The following TRIM61 variants were observed in gnomAD, a reference collection of about 807,000 sequenced individuals.
TRIM61 encodes the protein putative tripartite motif-containing protein 61.
Under a neutral mutation model 14.2 loss-of-function variants are expected in TRIM61, and 1 was observed. That is an observed-to-expected ratio of 0.07 (90% CI 0.03 to 0.33). TRIM61 has a LOEUF of 0.33. Ranked by LOEUF, TRIM61 falls within the 10% of genes least tolerant of loss-of-function variation. The probability of loss-of-function intolerance (pLI) is 0.99; values close to 1 mark genes in which losing one functional copy is unlikely to be tolerated. For synonymous variants in TRIM61, 8 were observed against 71.6 expected, an observed-to-expected ratio of 0.11 and a Z score of 4.49; for missense variants, 19 against 202.2, an observed-to-expected ratio of 0.09 and a Z score of 5.49.
chr4:164,971,299 A>G (rs1033006393), intron 2 of TRIM61, among the ~76,000 whole-genome samples: 2 of 151,998 alleles, frequency 1.3e-5, no homozygotes, highest in South Asian at 4.2e-4. Context: ...TCAACAATTA[A>G]AAAAATGTGT....
chr4:164,961,153 C>CAAAAAAAAAAAAAAAAAAAAAAA lies in TRIM61; in HGVS notation c.526-6080_526-6058dup, dbSNP rs762554625. Among the ~76,000 whole-genome samples, 34 of 31,718 alleles carry CAAAAAAAAAAAAAAAAAAAAAAA rather than the reference C, an allele frequency of 1.1e-3. 8 individuals are homozygous for CAAAAAAAAAAAAAAAAAAAAAAA. The highest frequency in any genetic ancestry group is 1.7e-3 in the Non-Finnish European group (25 of 14,930). 20.8% of individuals were successfully genotyped at this position (31,718 alleles called of 152,430 possible). On this transcript the variant is annotated intron_variant, in intron 3 of 4. Transcript: ENST00000329314. ...ATGACAGAAAATAAGAACTCTCAGG[C>CAAAAAAAAAAAAAAAAAAAAAAA]AAAAAAAAAAAAAAAAAAAAAAAAA...
chr4:164,956,736 G>A (rs756141305), intron 3 of TRIM61, among the ~76,000 whole-genome samples: 1 of 152,072 alleles, frequency 6.6e-6, no homozygotes, highest in Non-Finnish European at 1.5e-5. Context: ...GGCAGGGAGA[G>A]CCCTCAGTCT....
intron 3 of TRIM61, among the ~76,000 whole-genome samples, chr4:164,964,377 A>G (rs74753818): frequency 1.3e-5 from 2 of 151,928 alleles, no homozygotes; most frequent in African/African-American, 2.4e-5. Context: ...GAAACTAGAG[A>G]AAAAAAGGAG....
At chr4:164,967,493 AAGGACAGT>A (rs1281793266) in intron 3 of TRIM61, among the ~76,000 whole-genome samples, 1 of 152,198 alleles carries the variant, frequency 6.6e-6, no homozygotes, top group Non-Finnish European at 1.5e-5. Context: ...AAGTGAAGTG[AAGGACAGT>A]AGCTGAACAG....
intron 3 of TRIM61, among the ~76,000 whole-genome samples, chr4:164,965,105 T>C (rs1255057387): frequency 6.6e-6 from 1 of 152,048 alleles, no homozygotes; most frequent in African/African-American, 2.4e-5. Flanking sequence ...CTGGCCAACA[T>C]GGTGAAACCC....
At chr4:164,961,215 G>GAAAAAAAAAAA in intron 3 of TRIM61, among the ~76,000 whole-genome samples, 1 of 103,372 alleles carries the variant, frequency 9.7e-6, no homozygotes, top group Non-Finnish European at 2.0e-5. Flanking sequence ...AACAATAATT[G>GAAAAAAAAAAA]ATATGTTAAA....
intron 3 of TRIM61, 145 bp downstream of exon 3, chr4:164,968,136 A>C: frequency 1.0e-6 from 1 of 984,324 alleles, no homozygotes; most frequent in South Asian, 4.7e-5. Flanking sequence ...CTGGGCAACG[A>C]AAAAAGGGGA....
chr4:164,958,229 T>C (rs10001548), intron 3 of TRIM61: 55,095 of 166,924 alleles, frequency 0.33, 9,585 homozygotes, highest in African/African-American at 0.42. Flanking sequence ...TTTTCAGCTA[T>C]AGAAATGTAA....
At chr4:164,959,633 A>T (rs1345773442) in intron 3 of TRIM61, among the ~76,000 whole-genome samples, 1 of 152,218 alleles carries the variant, frequency 6.6e-6, no homozygotes, top group Non-Finnish European at 1.5e-5. Flanking sequence ...AACATCAGAG[A>T]ACACAGGCTT....
intron 2 of TRIM61, among the ~76,000 whole-genome samples, chr4:164,975,003 C>G (rs1326456241): frequency 1.6e-4 from 24 of 152,100 alleles, no homozygotes; most frequent in Non-Finnish European, 7.3e-5. Flanking sequence ...GAGGCCAAGG[C>G]AGGCAGATTA....
chr4:164,966,172 G>T (rs1228415069), intron 3 of TRIM61, among the ~76,000 whole-genome samples: 3 of 152,180 alleles, frequency 2.0e-5, no homozygotes, highest in Admixed American at 6.5e-5. Flanking sequence ...AACTGCAGGG[G>T]ACAGTTTGGG....
chr4:164,973,452 G>T (rs553103734), intron 2 of TRIM61, among the ~76,000 whole-genome samples: 82 of 152,204 alleles, frequency 5.4e-4, no homozygotes, highest in Admixed American at 1.2e-3. Flanking sequence ...ATTTAATAAT[G>T]TATCCCAAAT....
At position 164,976,829 on chromosome 4, in the gene TRIM61, T is replaced by C. The variant is rs1369987253; in HGVS notation, c.-475-4A>G. On this transcript the variant is annotated splice_polypyrimidine_tract_variant and splice_region_variant and intron_variant, in intron 1 of 4. Coordinates refer to ENST00000329314, the MANE Select transcript of TRIM61 (RefSeq NM_001012414.3). ...GACTGTACTTTGTGAACCTATGCTT[T>C]AAGGAAAACAAAGCAAAAAGATCCA... 1 of 152,184 alleles carries C rather than the reference T, an allele frequency of 6.6e-6. No individual in the cohort carries two copies. Among genetic ancestry groups the C allele is most frequent in the Non-Finnish European group, 1.5e-5 (1 of 68,030 alleles). 9.4% of individuals were successfully genotyped at this position (152,184 alleles called of 1,614,324 possible).
At chr4:164,958,317 G>GTCTCC (rs2111131876) in intron 3 of TRIM61, 1 of 167,132 alleles carries the variant, frequency 6.0e-6, no homozygotes, top group East Asian at 1.9e-4. Context: ...GTTAGGATTT[G>GTCTCC]TTCTGGACAA....
chr4:164,965,688 C>G (rs1732224211), intron 3 of TRIM61, among the ~76,000 whole-genome samples: 1 of 152,094 alleles, frequency 6.6e-6, no homozygotes, highest in South Asian at 2.1e-4. Flanking sequence ...CTGCCTCAGC[C>G]TCCCAAAGTG....
At chr4:164,964,926 C>T (rs768722323) in intron 3 of TRIM61, among the ~76,000 whole-genome samples, 9 of 152,182 alleles carry the variant, frequency 5.9e-5, no homozygotes, top group Non-Finnish European at 1.0e-4. Flanking sequence ...ATTTCACCAA[C>T]GTCATCCTAT....
chr4:164,960,756 G>A (rs959833994), intron 3 of TRIM61, among the ~76,000 whole-genome samples: 25 of 152,246 alleles, frequency 1.6e-4, no homozygotes, highest in Admixed American at 1.4e-3. Context: ...TTCAAGACCA[G>A]CCTAACCAAC....
rs200797852 is a variant in TRIM61 at position 164,955,099 on chromosome 4, C to CAAAAAAA, written c.526-10_526-4dup. 1.2e-5 allele frequency: 1 copy of CAAAAAAA among 85,818 alleles called. No homozygotes were observed. Among genetic ancestry groups the CAAAAAAA allele is most frequent in the African/African-American group, 4.5e-5 (1 of 22,100 alleles). The allele number at this position is 85,818 out of a possible 1,614,324, so 5.3% of individuals were successfully genotyped here. A position where few individuals can be genotyped will look rare whatever the true frequency, so the allele number is the denominator to read the frequency against. ...CTGGTGACAGAAGGAGACTCCATCT[C>CAAAAAAA]AAAAAAAAAAAAAAAAAAAATTATT... On this transcript the variant is annotated splice_polypyrimidine_tract_variant and splice_region_variant and intron_variant, in intron 3 of 4. Coordinates refer to ENST00000329314, the MANE Select transcript of TRIM61 (RefSeq NM_001012414.3).
rs1233203784 is a variant in TRIM61, at chr4:164,970,750, G to A, written c.-337-411C>T. The stretch of plus-strand genomic sequence containing the variant: ...AGGAAACAAACATGATAAATACAAC[G>A]TGTGACCCCTGATTGAATCTGAGAT... On this transcript the variant is annotated intron_variant, in intron 2 of 4. Transcript: ENST00000329314. Among the ~76,000 whole-genome samples, 6 of 151,974 alleles carry A rather than the reference G, an allele frequency of 3.9e-5. No homozygotes were observed. In the East Asian group the frequency reaches 1.2e-3, roughly 29 times the overall value.
Sources: allele counts gnomAD v4.1 joint callset (sites outside exome capture counted in the v4.1 genomes callset), GRCh38; gene constraint gnomAD v4.1.1; transcripts MANE v1.5; gene names NCBI Gene and HGNC (gene_info 2026-07-23, HGNC 2026-07-21).